GULP1: variants seen among roughly 807,000 people sequenced by gnomAD.
GULP1 encodes the protein PTB domain-containing engulfment adapter protein 1.
A neutral mutation model predicts 40.9 loss-of-function variants in GULP1; 19 were observed. The observed-to-expected ratio is 0.46, with a 90% CI of 0.32 to 0.68. GULP1 has a LOEUF of 0.68. GULP1 is among the 30% of genes least tolerant of loss of function. The probability of loss-of-function intolerance (pLI) is 0.03; values close to 1 mark genes in which losing one functional copy is unlikely to be tolerated. For synonymous variants in GULP1, 119 were observed against 117.6 expected, an observed-to-expected ratio of 1.01 and a Z score of -0.08; for missense variants, 312 against 362.2, an observed-to-expected ratio of 0.86 and a Z score of 1.12.
At chr2:188,474,570 T>C (rs1575485301) in intron 2 of GULP1, among the ~76,000 whole-genome samples, 1 of 152,116 alleles carries the variant, frequency 6.6e-6, no homozygotes, top group East Asian at 1.9e-4. Context: ...TCCCCAGCAC[T>C]CAGAAATGCT....
intron 2 of GULP1, among the ~76,000 whole-genome samples, chr2:188,467,760 A>G (rs2060247572): frequency 6.6e-6 from 1 of 152,200 alleles, no homozygotes; most frequent in African/African-American, 2.4e-5. Flanking sequence ...GATACTAAAT[A>G]AACATTTTAA....
rs1702978737 is a variant in GULP1, at chr2:188,588,986, A to G, written c.843+1037A>G. On this transcript the variant is annotated intron_variant, in intron 11 of 11. Coordinates refer to ENST00000409830, the MANE Select transcript of GULP1 (RefSeq NM_016315.4). ...GAATTTAAAAGTTGAATTACTTAAC[A>G]TATGTCTTGAGGTTTTCAAAGAATC... The G allele has an allele frequency of 1.3e-5, 2 of 152,144 alleles. 1 individual carries two copies. Among genetic ancestry groups the G allele is most frequent in the Admixed American group, 1.3e-4 (2 of 15,272 alleles). The allele number at this position is 152,144 out of a possible 1,614,324, so 9.4% of individuals were successfully genotyped here.
At chr2:188,564,853 T>C (rs1697259223) in intron 7 of GULP1, among the ~76,000 whole-genome samples, 3 of 151,958 alleles carry the variant, frequency 2.0e-5, no homozygotes, top group African/African-American at 7.2e-5. Flanking sequence ...ATTAATGTAA[T>C]AATAATAAAT....
chr2:188,492,635 G>A (rs2062502906), intron 4 of GULP1, among the ~76,000 whole-genome samples: 2 of 150,396 alleles, frequency 1.3e-5, no homozygotes, highest in South Asian at 4.2e-4. Flanking sequence ...TAGATTCATA[G>A]GAAGAATTAA....
At chr2:188,566,608 T>C (rs1007538205) in intron 7 of GULP1, among the ~76,000 whole-genome samples, 4 of 151,594 alleles carry the variant, frequency 2.6e-5, no homozygotes, top group Non-Finnish European at 4.4e-5. Flanking sequence ...CCAGCCTGGC[T>C]AACGTGGTGA....
intron 1 of GULP1, among the ~76,000 whole-genome samples, chr2:188,367,193 A>T (rs895421716): frequency 6.6e-6 from 1 of 152,204 alleles, no homozygotes; most frequent in Admixed American, 6.5e-5. Context: ...TGGTTAAATG[A>T]ATACATTTCA....
chr2:188,424,699 T>C (rs111555895), intron 2 of GULP1, among the ~76,000 whole-genome samples: 38 of 152,102 alleles, frequency 2.5e-4, no homozygotes, highest in African/African-American at 7.7e-4. Context: ...CTCTAACATG[T>C]CTATAATTTT....
At chr2:188,347,284 G>A (rs2043809067) in intron 1 of GULP1, among the ~76,000 whole-genome samples, 1 of 152,146 alleles carries the variant, frequency 6.6e-6, no homozygotes, top group African/African-American at 2.4e-5. Flanking sequence ...GTATGTGACA[G>A]GTAAGTGACA....
At chr2:188,376,345 A>C (rs779229658) in intron 1 of GULP1, among the ~76,000 whole-genome samples, 3 of 152,246 alleles carry the variant, frequency 2.0e-5, no homozygotes, top group Non-Finnish European at 2.9e-5. Context: ...CTAAGGTCTT[A>C]ACGTAAGATT....
At chr2:188,469,712 A>G (rs1356839747) in intron 2 of GULP1, among the ~76,000 whole-genome samples, 1 of 152,196 alleles carries the variant, frequency 6.6e-6, no homozygotes, top group East Asian at 1.9e-4. Context: ...GGTTTTTATT[A>G]TGTAGAAGTA....
intron 6 of GULP1, among the ~76,000 whole-genome samples, chr2:188,536,201 T>C (rs1688896398): frequency 6.6e-6 from 1 of 152,176 alleles, no homozygotes; most frequent in Non-Finnish European, 1.5e-5. Flanking sequence ...TTTAATTAGG[T>C]TCCACTTGTC....
intron 5 of GULP1, 119 bp from the exon 6 acceptor site, chr2:188,528,978 T>G: frequency 1.7e-6 from 1 of 580,414 alleles, no homozygotes; most frequent in Non-Finnish European, 3.0e-6. Flanking sequence ...GCTTTATACT[T>G]GGCAAAAATT....
chr2:188,569,315 A>G lies in GULP1; in HGVS notation c.476A>G (p.Asp159Gly). 1.3e-6 allele frequency: 2 copies of G among 1,598,308 alleles called. No individual in the cohort carries two copies. Among genetic ancestry groups the G allele is most frequent in the Non-Finnish European group, 1.7e-6 (2 of 1,165,722 alleles). ...YRKFLESGGK[D>G]VETRKQIAGL... The stretch of plus-strand genomic sequence containing the variant: ...AAATTTCTAGAATCAGGAGGAAAAG[A>G]TGTTGAAACAAGAAAACAGATCGCA... Residue 159 changes from aspartate to glycine, a missense_variant, in exon 8 of 12, where the codon GAT (aspartate) becomes GGT (glycine). Coordinates refer to ENST00000409830, the MANE Select transcript of GULP1 (RefSeq NM_016315.4).
chr2:188,576,039 C>T (rs1415274061), intron 9 of GULP1, among the ~76,000 whole-genome samples: 1 of 152,056 alleles, frequency 6.6e-6, no homozygotes, highest in Non-Finnish European at 1.5e-5. Flanking sequence ...AGGAATGTCC[C>T]TTCAGGTTTT....
chr2:188,450,412 A>G (rs2058743886), intron 2 of GULP1, among the ~76,000 whole-genome samples: 2 of 152,144 alleles, frequency 1.3e-5, no homozygotes, highest in Admixed American at 6.6e-5. Context: ...TTTCTTGCCA[A>G]TATATGAAAT....
At chr2:188,430,473 C>T (rs1293042812) in intron 2 of GULP1, among the ~76,000 whole-genome samples, 1 of 152,098 alleles carries the variant, frequency 6.6e-6, no homozygotes, top group Admixed American at 6.6e-5. Flanking sequence ...ATAGGAAGAC[C>T]AGTACTATGT....
intron 2 of GULP1, among the ~76,000 whole-genome samples, chr2:188,471,273 G>C (rs1400902209): frequency 2.0e-5 from 3 of 152,010 alleles, no homozygotes; most frequent in African/African-American, 4.8e-5. Context: ...ATAGGCAACA[G>C]ATCAGTGACT....
At chr2:188,476,027 G>A (rs192142835) in intron 2 of GULP1, among the ~76,000 whole-genome samples, 34 of 152,186 alleles carry the variant, frequency 2.2e-4, no homozygotes, top group African/African-American at 7.2e-4. Context: ...CAAGAAGAGC[G>A]GCAGAGTGGA....
intron 2 of GULP1, among the ~76,000 whole-genome samples, chr2:188,419,108 G>T (rs2054999037): frequency 1.3e-5 from 2 of 152,050 alleles, no homozygotes; most frequent in African/African-American, 2.4e-5. Context: ...TTTATTCATT[G>T]CTCACTGGAC....
Sources: allele counts gnomAD v4.1 joint callset (sites outside exome capture counted in the v4.1 genomes callset), GRCh38; gene constraint gnomAD v4.1.1; transcripts MANE v1.5; gene names NCBI Gene and HGNC (gene_info 2026-07-23, HGNC 2026-07-21).